Variants in ADAMTS12 observed in about 807,000 individuals in gnomAD.
ADAMTS12 encodes the protein A disintegrin and metalloproteinase with thrombospondin motifs 12.
In ADAMTS12, 118 loss-of-function variants were observed where a neutral mutation model predicts 167.8. That is an observed-to-expected ratio of 0.70 (90% CI 0.61 to 0.82). ADAMTS12 has a LOEUF of 0.82. ADAMTS12 is among the 40% of genes least tolerant of loss of function. The pLI, the probability that ADAMTS12 is intolerant of heterozygous loss-of-function variation, is 0.00. For missense variants in ADAMTS12, 1,916 were observed against 1,998.8 expected (o/e 0.96, Z 0.79); for synonymous variants, 704 against 716.9 (o/e 0.98, Z 0.29).
At chr5:33,861,449 A>G (rs1452073551) in intron 2 of ADAMTS12, among the ~76,000 whole-genome samples, 5 of 152,240 alleles carry the variant, frequency 3.3e-5, no homozygotes, top group Admixed American at 6.5e-5. Flanking sequence ...ACATAATGGT[A>G]AAGAGATCAA....
intron 3 of ADAMTS12, among the ~76,000 whole-genome samples, chr5:33,690,009 T>C (rs1742494783): frequency 6.6e-6 from 1 of 152,216 alleles, no homozygotes; most frequent in Non-Finnish European, 1.5e-5. Flanking sequence ...GTTCTCTGAG[T>C]TGGGCGAACA....
chr5:33,696,245 C>A (rs986872117), intron 3 of ADAMTS12, among the ~76,000 whole-genome samples: 1 of 151,666 alleles, frequency 6.6e-6, no homozygotes, highest in Non-Finnish European at 1.5e-5. Flanking sequence ...CACGGTGAAA[C>A]CCCGTCTCTA....
chr5:33,642,583 C>T (rs746627852), intron 10 of ADAMTS12, among the ~76,000 whole-genome samples: 1 of 152,100 alleles, frequency 6.6e-6, no homozygotes, highest in Non-Finnish European at 1.5e-5. Context: ...AAGAAAAAAT[C>T]CACTCTCTCC....
At chr5:33,869,160 T>G (rs1304923193) in intron 2 of ADAMTS12, among the ~76,000 whole-genome samples, 1 of 152,170 alleles carries the variant, frequency 6.6e-6, no homozygotes, top group Non-Finnish European at 1.5e-5. Context: ...ACTACTGCCC[T>G]GTGCAACCTT....
chr5:33,669,974 A>G (rs1256386472), intron 5 of ADAMTS12, among the ~76,000 whole-genome samples: 1 of 152,168 alleles, frequency 6.6e-6, no homozygotes. Flanking sequence ...TGGCACTAAT[A>G]ACATAATTAA....
At chr5:33,590,251 C>T (rs968011538) in intron 17 of ADAMTS12, among the ~76,000 whole-genome samples, 2 of 152,204 alleles carry the variant, frequency 1.3e-5, no homozygotes, top group Non-Finnish European at 2.9e-5. Context: ...TGATAATAGA[C>T]GTTCTTGTTT....
intron 16 of ADAMTS12, among the ~76,000 whole-genome samples, chr5:33,606,142 T>C (rs1738429415): frequency 6.6e-6 from 1 of 152,194 alleles, no homozygotes. Flanking sequence ...GAGATGAGGT[T>C]TCACCATGTT....
At chr5:33,885,234 C>T (rs1275655646) in intron 1 of ADAMTS12, among the ~76,000 whole-genome samples, 1 of 151,948 alleles carries the variant, frequency 6.6e-6, no homozygotes, top group Non-Finnish European at 1.5e-5. Context: ...AATAAAGGGG[C>T]AATAAATGTA....
intron 3 of ADAMTS12, among the ~76,000 whole-genome samples, chr5:33,687,798 A>T (rs1742390649): frequency 6.6e-6 from 1 of 152,164 alleles, no homozygotes; most frequent in African/African-American, 2.4e-5. Context: ...TCTGCTACGC[A>T]ATTTCAGAAA....
intron 2 of ADAMTS12, among the ~76,000 whole-genome samples, chr5:33,838,818 G>A (rs185414524): frequency 2.0e-3 from 306 of 152,276 alleles, no homozygotes; most frequent in African/African-American, 7.0e-3. Context: ...AGAAAAAAGG[G>A]AAGAGGAAGA....
rs370967880 is a variant in ADAMTS12, at chr5:33,591,355, CT to C, written c.2655-2547del. Among the ~76,000 whole-genome samples, 210 of 152,276 alleles carry C rather than the reference CT, an allele frequency of 1.4e-3. 1 individual carries two copies. The highest frequency in any genetic ancestry group is 4.9e-3 in the African/African-American group (204 of 41,552). On this transcript the variant is annotated intron_variant, in intron 17 of 23. Transcript: ENST00000504830. ...ACCAGGACACGTCACTCTTTCTAAC[CT>C]TCATTACTCAGATAAATGAAAGTCC...
chr5:33,575,993 G>T (rs1746685214), intron 19 of ADAMTS12, 61 bp downstream of exon 19: 2 of 1,531,710 alleles, frequency 1.3e-6, no homozygotes, highest in Non-Finnish European at 1.7e-6. Flanking sequence ...ATTTTCACAT[G>T]AATTTAACAC....
At chr5:33,571,861 A>G (rs1366402683) in intron 19 of ADAMTS12, among the ~76,000 whole-genome samples, 1 of 152,004 alleles carries the variant, frequency 6.6e-6, no homozygotes, top group African/African-American at 2.4e-5. Flanking sequence ...CAAGACTAAT[A>G]AAGAAAAAAA....
At chr5:33,814,912 C>T (rs1440746018) in intron 2 of ADAMTS12, among the ~76,000 whole-genome samples, 1 of 151,882 alleles carries the variant, frequency 6.6e-6, no homozygotes, top group African/African-American at 2.4e-5. Flanking sequence ...GACAAATTCT[C>T]GAATCGTAGA....
At chr5:33,662,286 C>G (rs1172267852) in intron 5 of ADAMTS12, among the ~76,000 whole-genome samples, 1 of 152,168 alleles carries the variant, frequency 6.6e-6, no homozygotes, top group African/African-American at 2.4e-5. Context: ...GAAATTATCC[C>G]TGGGACAAGC....
At chr5:33,616,819 C>T (rs1739040422) in intron 14 of ADAMTS12, among the ~76,000 whole-genome samples, 2 of 152,212 alleles carry the variant, frequency 1.3e-5, no homozygotes, top group Admixed American at 1.3e-4. Flanking sequence ...ACTCCAGCCA[C>T]AGTCTTATTA....
chr5:33,706,033 A>T (rs888174584), intron 3 of ADAMTS12, among the ~76,000 whole-genome samples: 1 of 152,202 alleles, frequency 6.6e-6, no homozygotes, highest in African/African-American at 2.4e-5. Flanking sequence ...TGTTAAAATA[A>T]TATGACTAAC....
intron 2 of ADAMTS12, among the ~76,000 whole-genome samples, chr5:33,869,318 C>T (rs1352229024): frequency 1.3e-5 from 2 of 152,066 alleles, no homozygotes; most frequent in East Asian, 3.9e-4. Context: ...GCACAGAGGG[C>T]AATAGCTGAG....
chr5:33,816,333 T>G lies in ADAMTS12; in HGVS notation c.490-64785A>C, dbSNP rs1044752012. Among the ~76,000 whole-genome samples, 10 of 152,218 alleles carry G rather than the reference T, an allele frequency of 6.6e-5. No individual in the cohort carries two copies. In the South Asian group the frequency reaches 1.4e-3, roughly 22 times the overall value. ...ACAGTTTTTGTGATAATATTTTAAA[T>G]GTACTGTCTTAGAAATTTTGAAATG... is the stretch of plus-strand genomic sequence containing the variant. On this transcript the variant is annotated intron_variant, in intron 2 of 23. Coordinates refer to ENST00000504830, the MANE Select transcript of ADAMTS12 (RefSeq NM_030955.4).
Sources: allele counts gnomAD v4.1 joint callset (sites outside exome capture counted in the v4.1 genomes callset), GRCh38; gene constraint gnomAD v4.1.1; transcripts MANE v1.5; gene names NCBI Gene and HGNC (gene_info 2026-07-23, HGNC 2026-07-21).